KYNU: variants seen among roughly 807,000 people sequenced by gnomAD.
The protein encoded by KYNU is L-kynurenine hydrolase.
KYNU carries 54 observed loss-of-function variants against 59.2 expected under a neutral mutation model. That is an observed-to-expected ratio of 0.91 (90% confidence interval 0.73 to 1.14). The LOEUF (loss-of-function observed/expected upper bound fraction) is 1.14. Among genes scored for constraint, KYNU ranks in the 50% most tolerant of loss-of-function variants. KYNU has a pLI of 0.00. For missense variants in KYNU, 567 were observed against 554.4 expected (o/e 1.02, Z -0.23); for synonymous variants, 177 against 192.0 (o/e 0.92, Z 0.65).
intron 10 of KYNU, among the ~76,000 whole-genome samples, chr2:143,010,708 A>T (rs1221888556): frequency 1.3e-5 from 2 of 148,456 alleles, no homozygotes; most frequent in African/African-American, 5.0e-5. Context: ...TGGTACCAAA[A>T]CAGAGATATA....
At position 142,957,643 on chromosome 2, in the gene KYNU, T is replaced by A; in HGVS notation, c.510T>A (p.Tyr170Ter). 2 of 1,583,026 alleles carry A rather than the reference T, an allele frequency of 1.3e-6. No homozygotes were observed. Among genetic ancestry groups the A allele is most frequent in the Non-Finnish European group, 1.7e-6 (2 of 1,152,086 alleles). ...LEAKAFPSDH[Y>*]AIESQLQLHG... ...AATACATCATCTTTCCTTTTTAGTA[T>A]GCTATTGAGTCACAACTACAACTTC... Residue 170 changes from tyrosine to a stop codon, truncating the protein, a stop_gained and splice_region_variant, in exon 7 of 14, where the codon TAT becomes TAA. Coordinates refer to ENST00000264170, the MANE Select transcript of KYNU (RefSeq NM_003937.3). LOFTEE classifies it high-confidence loss of function.
intron 10 of KYNU, among the ~76,000 whole-genome samples, chr2:143,011,247 G>T (rs1359901267): frequency 7.4e-6 from 1 of 134,338 alleles, no homozygotes; most frequent in Non-Finnish European, 1.5e-5. Context: ...CAAAAAGTGG[G>T]TGAAGGACAT....
chr2:142,881,424 C>T (rs927633238), intron 1 of KYNU: 5 of 152,108 alleles, frequency 3.3e-5, no homozygotes, highest in Admixed American at 2.6e-4. Flanking sequence ...GAATGAAAAT[C>T]GAGAGTGTAA....
At position 143,048,740 on chromosome 2, in the gene KYNU, C is replaced by T. The variant is rs573801063; in HGVS notation, c.*6568C>T. 1 of 152,216 alleles carries T rather than the reference C, an allele frequency of 6.6e-6. No homozygotes were observed. Among genetic ancestry groups the T allele is most frequent in the Admixed American group, 6.5e-5 (1 of 15,276 alleles). 9.4% of individuals were successfully genotyped at this position (152,216 alleles called of 1,614,324 possible). ...TATTAAGTTACAGTATTTTGGCTTC[C>T]ATTACTGCTGTTAAGCATTCAGATC... On this transcript the variant is annotated 3_prime_UTR_variant, in exon 14 of 14. Transcript: ENST00000264170.
intron 11 of KYNU, among the ~76,000 whole-genome samples, chr2:143,032,015 C>T (rs971239604): frequency 1.6e-4 from 24 of 152,164 alleles, no homozygotes; most frequent in African/African-American, 2.4e-5. Flanking sequence ...TGGTGGCTCA[C>T]GCCTGTAATC....
Position 142,885,395 on chromosome 2 carries a change from G to A in KYNU, c.28G>A (p.Ala10Thr). 6.2e-7 allele frequency: 1 copy of A among 1,613,960 alleles called. No homozygotes were observed. The highest frequency in any genetic ancestry group is 1.1e-5 in the South Asian group (1 of 91,056). MEPSSLELP[A>T]DTVQRIAAEL... ...GGAGCCTTCATCTCTTGAGCTGCCG[G>A]CTGACACAGTGCAGCGCATTGCGGC... The change falls in exon 2 of 14, where the codon GCT (alanine) becomes ACT (threonine). Residue 10 changes from alanine to threonine, a missense_variant. Ala to Thr is a moderately conservative substitution (Grantham distance 58). Coordinates refer to ENST00000264170, the MANE Select transcript of KYNU (RefSeq NM_003937.3).
intron 12 of KYNU, among the ~76,000 whole-genome samples, chr2:143,034,486 T>G (rs972488500): frequency 6.6e-6 from 1 of 152,192 alleles, no homozygotes; most frequent in African/African-American, 2.4e-5. Context: ...TCCTCTGTTT[T>G]TATTAAATTT....
rs1687168657 is a variant in KYNU, at chr2:143,046,644, G to C, written c.*4472G>C. ...TCTGTACTTTCACACTGGCTAATTT[G>C]CTTGTTTTTTCATCAATACTTCACT... On this transcript the variant is annotated 3_prime_UTR_variant, in exon 14 of 14. Transcript: ENST00000264170. 1 of 150,154 alleles carries C rather than the reference G, an allele frequency of 6.7e-6. No individual in the cohort carries two copies. Among genetic ancestry groups the C allele is most frequent in the Non-Finnish European group, 1.5e-5 (1 of 67,090 alleles). 9.3% of individuals were successfully genotyped at this position (150,154 alleles called of 1,614,324 possible).
At chr2:142,901,365 C>G (rs1286436811) in intron 2 of KYNU, among the ~76,000 whole-genome samples, 1 of 152,182 alleles carries the variant, frequency 6.6e-6, no homozygotes, top group African/African-American at 2.4e-5. Flanking sequence ...TGCTGAGTAG[C>G]AGCTTGGGTT....
intron 11 of KYNU, among the ~76,000 whole-genome samples, chr2:143,032,424 T>C (rs527311843): frequency 6.6e-6 from 1 of 152,068 alleles, no homozygotes; most frequent in Admixed American, 6.6e-5. Flanking sequence ...GGTCCCACCC[T>C]CGACATATGG....
At chr2:143,032,629 T>C (rs572346273) in intron 11 of KYNU, among the ~76,000 whole-genome samples, 4 of 152,252 alleles carry the variant, frequency 2.6e-5, no homozygotes, top group Non-Finnish European at 4.4e-5. Flanking sequence ...TTCAATCTGC[T>C]TAATTCTAAT....
At chr2:142,959,522 G>A (rs556220829) in intron 7 of KYNU, among the ~76,000 whole-genome samples, 1 of 151,186 alleles carries the variant, frequency 6.6e-6, no homozygotes, top group Non-Finnish European at 1.5e-5. Flanking sequence ...GGAGGTGGAG[G>A]TTGTGGTGAG....
rs568825293 is a variant in KYNU at position 142,928,363 on chromosome 2, G to T, written c.373+622G>T. ...ATATTCAGCATTGTTTAAAATTTAA[G>T]GTACTGAACAAAAAAATTAATGATA... On this transcript the variant is annotated intron_variant, in intron 4 of 13. Transcript: ENST00000264170. Among the ~76,000 whole-genome samples the T allele has an allele frequency of 1.1e-4, 16 of 152,170 alleles. No homozygotes were observed. In the South Asian group the frequency reaches 1.9e-3, roughly 18 times the overall value.
intron 12 of KYNU, among the ~76,000 whole-genome samples, chr2:143,033,896 T>C (rs1395675551): frequency 6.6e-6 from 1 of 152,166 alleles, no homozygotes; most frequent in Non-Finnish European, 1.5e-5. Flanking sequence ...GGTGGTTTTA[T>C]GATTTTTTTA....
At chr2:142,953,956 C>G (rs919383519) in intron 4 of KYNU, 3 of 152,116 alleles carry the variant, frequency 2.0e-5, no homozygotes, top group Non-Finnish European at 4.4e-5. Flanking sequence ...AGAAATATCC[C>G]TCTGGATAAG....
At chr2:142,906,005 C>G (rs919929868) in intron 2 of KYNU, among the ~76,000 whole-genome samples, 1 of 151,988 alleles carries the variant, frequency 6.6e-6, no homozygotes, top group African/African-American at 2.4e-5. Flanking sequence ...ATCTCTGTCT[C>G]TCTCTCTCTC....
intron 4 of KYNU, 122 bp downstream of exon 4, chr2:142,927,863 A>G (rs1683094242): frequency 8.4e-6 from 6 of 713,834 alleles, no homozygotes; most frequent in Middle Eastern, 3.2e-4. Context: ...ATTTTAATCT[A>G]TAATAGTAAA....
intron 10 of KYNU, chr2:142,989,003 C>T (rs987895115): frequency 1.6e-5 from 14 of 895,824 alleles, no homozygotes; most frequent in African/African-American, 1.5e-4. Flanking sequence ...TTTTTATTCA[C>T]CTGAAAATCA....
chr2:142,883,260 C>A (rs1231566517), intron 1 of KYNU, among the ~76,000 whole-genome samples: 1 of 143,870 alleles, frequency 7.0e-6, no homozygotes, highest in Non-Finnish European at 1.5e-5. Flanking sequence ...GTGGTGCAAC[C>A]TCGGCTCACT....
Sources: allele counts gnomAD v4.1 joint callset (sites outside exome capture counted in the v4.1 genomes callset), GRCh38; gene constraint gnomAD v4.1.1; transcripts MANE v1.5; gene names NCBI Gene and HGNC (gene_info 2026-07-23, HGNC 2026-07-21).